The following MUSK variants were observed in gnomAD, a reference collection of about 807,000 sequenced individuals.
MUSK encodes the protein muscle associated receptor tyrosine kinase, also known as muscle, skeletal receptor tyrosine-protein kinase.
A neutral mutation model predicts 88.7 loss-of-function variants in MUSK; 55 were observed. That is an observed-to-expected ratio of 0.62 (90% CI 0.50 to 0.78). The LOEUF is 0.78. Ranked by LOEUF, MUSK falls within the 30% of genes least tolerant of loss-of-function variation. MUSK has a pLI of 0.00. For synonymous variants in MUSK, 387 were observed against 391.9 expected, an observed-to-expected ratio of 0.99 and a Z score of 0.15; for missense variants, 1,015 against 1,074.3, an observed-to-expected ratio of 0.94 and a Z score of 0.77.
At chr9:110,674,939 T>C (rs967701452) in intron 1 of MUSK, among the ~76,000 whole-genome samples, 1 of 152,168 alleles carries the variant, frequency 6.6e-6, no homozygotes, top group Non-Finnish European at 1.5e-5. Context: ...AACGGTATAA[T>C]ACATTTGAAT....
chr9:110,706,849 C>T (rs2076606012), intron 5 of MUSK, among the ~76,000 whole-genome samples: 1 of 151,910 alleles, frequency 6.6e-6, no homozygotes, highest in African/African-American at 2.4e-5. Context: ...ACTAAAAATA[C>T]AAAAATTAGC....
chr9:110,695,417 C>A lies in MUSK; in HGVS notation c.373C>A (p.Arg125Ser). 1 of 1,513,974 alleles carries A rather than the reference C, an allele frequency of 6.6e-7. No individual in the cohort carries two copies. Among genetic ancestry groups the A allele is most frequent in the South Asian group, 1.3e-5 (1 of 78,366 alleles). 93.8% of individuals were successfully genotyped at this position (1,513,974 alleles called of 1,614,324 possible). Residue 125 changes from arginine (R) to serine (S), a missense_variant, in exon 4 of 15, where the codon CGT becomes AGT. By Grantham distance (110) the Arg-to-Ser change is moderately radical (BLOSUM62 -1). Coordinates refer to ENST00000374448, the MANE Select transcript of MUSK (RefSeq NM_005592.4). The part of the protein sequence containing the change: ...LQVKMKPKIT[R>S]PPINVKIIEG... ...TTTCTTTTTAGAACCTAAAATAACT[C>A]GTCCTCCCATAAATGTGAAAATAAT...
intron 9 of MUSK, 134 bp downstream of exon 9, chr9:110,768,217 C>A (rs956707190): frequency 1.1e-5 from 10 of 937,182 alleles, no homozygotes; most frequent in Non-Finnish European, 1.3e-5. Flanking sequence ...GAGGTTAATG[C>A]CTGGGTGCAG....
rs550605130 is a variant in MUSK, at chr9:110,776,579, T to C, written c.1361-53T>C. The stretch of plus-strand genomic sequence containing the variant: ...TTAGCACTCACTCTCTCACAGAATA[T>C]GTGAGATATCTGGATGCTCACTTAA... On this transcript the variant is annotated intron_variant, in intron 10 of 14. Transcript: ENST00000374448. The C allele has an allele frequency of 9.1e-6, 13 of 1,427,210 alleles. No homozygotes were observed. The African/African-American group carries it at 9.9e-5, about 11-fold the overall frequency. The allele number at this position is 1,427,210 out of a possible 1,614,324, so 88.4% of individuals were successfully genotyped here.
chr9:110,669,565 G>T (rs2131615822), intron 1 of MUSK, among the ~76,000 whole-genome samples: 1 of 152,260 alleles, frequency 6.6e-6, no homozygotes, highest in Admixed American at 6.6e-5. Context: ...ATTTGGCTTG[G>T]CAAGAGACTG....
chr9:110,800,061 T>C (rs1024393701), intron 14 of MUSK, among the ~76,000 whole-genome samples: 3 of 152,162 alleles, frequency 2.0e-5, no homozygotes, highest in African/African-American at 7.2e-5. Context: ...ACAACAGCGC[T>C]CTGCTGGAAG....
rs1241422627 is a variant in MUSK at position 110,767,860 on chromosome 9, A to G, written c.961A>G (p.Arg321Gly). 6.2e-7 allele frequency: 1 copy of G among 1,614,022 alleles called. No homozygotes were observed. The highest frequency in any genetic ancestry group is 1.3e-5 in the African/African-American group (1 of 75,050). Residue 321 changes from arginine to glycine, a missense_variant, in exon 9 of 15, where the codon AGA (arginine) becomes GGA (glycine). Arg to Gly is a moderately radical substitution (Grantham distance 125). Transcript: ENST00000374448. ...KDNKGYCAQY[R>G]GEVCNAVLAK... ...TAACAAAGGCTACTGCGCCCAGTAC[A>G]GAGGGGAGGTGTGTAATGCAGTCCT... is the stretch of plus-strand genomic sequence containing the variant.
At chr9:110,752,653 C>T (rs1419002674) in intron 7 of MUSK, among the ~76,000 whole-genome samples, 1 of 152,172 alleles carries the variant, frequency 6.6e-6, no homozygotes, top group African/African-American at 2.4e-5. Flanking sequence ...AATTTCTACT[C>T]CATCTGTTTA....
chr9:110,776,553 C>T, intron 10 of MUSK, 79 bp from the exon 11 acceptor site: 1 of 1,166,838 alleles, frequency 8.6e-7, no homozygotes, highest in Non-Finnish European at 1.3e-6. Flanking sequence ...ACTTGCATTT[C>T]TTAGCACTCA....
intron 9 of MUSK, among the ~76,000 whole-genome samples, chr9:110,770,499 ATATAAT>A (rs2077557935): frequency 6.8e-6 from 1 of 146,970 alleles, no homozygotes; most frequent in Non-Finnish European, 1.5e-5. Flanking sequence ...GTTTATAATA[ATATAAT>A]TATATATTAT....
rs983782761 is a variant in MUSK, at chr9:110,760,269, G to A, written c.914-1933G>A. On this transcript the variant is annotated intron_variant, in intron 7 of 14. Coordinates refer to ENST00000374448, the MANE Select transcript of MUSK (RefSeq NM_005592.4). ...TAAAGACACATGCATGCAAATGTTC[G>A]TTGCAGCACTATTCATAATAGCCAA... is the stretch of plus-strand genomic sequence containing the variant. 9.9e-5 allele frequency among the ~76,000 whole-genome samples: 15 copies of A among 152,070 alleles called. 2 individuals carry two copies. Among genetic ancestry groups the A allele is most frequent in the Admixed American group, 7.2e-4 (11 of 15,272 alleles).
chr9:110,715,199 A>G (rs972018548), intron 5 of MUSK, among the ~76,000 whole-genome samples: 1 of 150,020 alleles, frequency 6.7e-6, no homozygotes, highest in African/African-American at 2.5e-5. Flanking sequence ...AAAGAAAAAG[A>G]ACTAGAAGAC....
rs1447638175 is a variant in MUSK at position 110,800,869 on chromosome 9, C to G, written c.2491C>G (p.Leu831Val). 6.3e-7 allele frequency: 1 copy of G among 1,590,136 alleles called. No individual in the cohort carries two copies. The highest frequency in any genetic ancestry group is 2.2e-5 in the East Asian group (1 of 44,572). ...LSCPENCPVELYNLMRLCWSK... is the reference protein window; with the variant it reads ...LSCPENCPVEVYNLMRLCWSK... ...CTGCCCTGAGAACTGCCCCGTGGAG[C>G]TGTACAATCTCATGCGTCTATGTTG... Residue 831 changes from leucine (L) to valine (V), a missense_variant, in exon 15 of 15, where the codon CTG (leucine) becomes GTG (valine). By Grantham distance (32) the Leu-to-Val change is conservative. Transcript: ENST00000374448.
intron 1 of MUSK, among the ~76,000 whole-genome samples, chr9:110,671,912 C>CA (rs1435119222): frequency 2.6e-5 from 4 of 152,178 alleles, no homozygotes; most frequent in Non-Finnish European, 4.4e-5. Context: ...CGACTTACTA[C>CA]AATACGTTGA....
At chr9:110,737,431 G>A (rs1444575232) in intron 6 of MUSK, among the ~76,000 whole-genome samples, 1 of 151,476 alleles carries the variant, frequency 6.6e-6, no homozygotes, top group Non-Finnish European at 1.5e-5. Context: ...CCCTTATATT[G>A]AACCATTCTT....
At chr9:110,705,749 C>G (rs959974200) in intron 5 of MUSK, among the ~76,000 whole-genome samples, 1 of 152,180 alleles carries the variant, frequency 6.6e-6, no homozygotes, top group African/African-American at 2.4e-5. Flanking sequence ...ACAGGGAAGC[C>G]TCAGTCATCT....
intron 3 of MUSK, among the ~76,000 whole-genome samples, chr9:110,690,921 G>A (rs971995685): frequency 2.0e-5 from 3 of 147,282 alleles, no homozygotes; most frequent in African/African-American, 5.0e-5. Context: ...CTGGAGTGCA[G>A]TGGCATGATC....
chr9:110,788,702 A>AT (rs534500891), intron 14 of MUSK, among the ~76,000 whole-genome samples: 937 of 81,132 alleles, frequency 0.012, 8 homozygotes, highest in Admixed American at 0.017. Context: ...GAGACAGATA[A>AT]TAAAAAAAAA....
intron 1 of MUSK, among the ~76,000 whole-genome samples, chr9:110,680,641 C>T (rs557537542): frequency 3.9e-5 from 6 of 151,948 alleles, no homozygotes; most frequent in African/African-American, 1.4e-4. Flanking sequence ...CCTCCTCGGC[C>T]TCCCAAAGTG....
Sources: allele counts gnomAD v4.1 joint callset (sites outside exome capture counted in the v4.1 genomes callset), GRCh38; gene constraint gnomAD v4.1.1; transcripts MANE v1.5; gene names NCBI Gene and HGNC (gene_info 2026-07-23, HGNC 2026-07-21).